ZNF704: variants seen among roughly 807,000 people sequenced by gnomAD.
ZNF704 encodes the protein glucocorticoid induced gene 1.
In ZNF704, 10 loss-of-function variants were observed where a neutral mutation model predicts 44.7. The ratio of observed to expected loss-of-function variants is 0.22; its 90% CI spans 0.14 to 0.38. The LOEUF is 0.38. Among genes scored for constraint, ZNF704 ranks in the 10% least tolerant of loss-of-function variants. The probability of loss-of-function intolerance (pLI) is 1.00; values close to 1 mark genes in which losing one functional copy is unlikely to be tolerated. For synonymous variants in ZNF704, 211 were observed against 207.6 expected, an observed-to-expected ratio of 1.02 and a Z score of -0.14; for missense variants, 390 against 545.5, an observed-to-expected ratio of 0.71 and a Z score of 2.84.
At chr8:80,698,781 T>C (rs898405257) in intron 2 of ZNF704, among the ~76,000 whole-genome samples, 6 of 152,170 alleles carry the variant, frequency 3.9e-5, no homozygotes, top group East Asian at 3.9e-4. Context: ...GTCTCATGCA[T>C]GGGTGGGTGT....
chr8:80,680,433 A>T (rs1278035736), intron 4 of ZNF704, among the ~76,000 whole-genome samples: 1 of 151,110 alleles, frequency 6.6e-6, no homozygotes. Context: ...AGGGGCTTAC[A>T]CATCCAAGCC....
At chr8:80,778,258 C>G in intron 2 of ZNF704, among the ~76,000 whole-genome samples, 1 of 152,094 alleles carries the variant, frequency 6.6e-6, no homozygotes, top group Non-Finnish European at 1.5e-5. Context: ...TAAAAAAAAG[C>G]TCAGTGTCAC....
chr8:80,713,391 C>T (rs562285194), intron 2 of ZNF704, among the ~76,000 whole-genome samples: 2 of 152,226 alleles, frequency 1.3e-5, no homozygotes, highest in South Asian at 4.2e-4. Context: ...AACTGCGGCT[C>T]GAATTATAGA....
chr8:80,721,782 A>G (rs1205592419), intron 2 of ZNF704, among the ~76,000 whole-genome samples: 1 of 152,248 alleles, frequency 6.6e-6, no homozygotes, highest in Non-Finnish European at 1.5e-5. Context: ...ACTGTAGTAC[A>G]CATGCTTGGT....
At chr8:80,667,353 G>A (rs1818210924) in intron 5 of ZNF704, among the ~76,000 whole-genome samples, 1 of 152,204 alleles carries the variant, frequency 6.6e-6, no homozygotes, top group Non-Finnish European at 1.5e-5. Flanking sequence ...ATAGAGGACA[G>A]GAAGACAAAA....
chr8:80,766,571 A>T (rs79984360), intron 2 of ZNF704, among the ~76,000 whole-genome samples: 1 of 152,180 alleles, frequency 6.6e-6, no homozygotes, highest in East Asian at 1.9e-4. Context: ...TATGTTACTG[A>T]TATTTTGAAA....
intron 4 of ZNF704, among the ~76,000 whole-genome samples, chr8:80,682,825 T>A (rs577388009): frequency 6.6e-6 from 1 of 152,322 alleles, no homozygotes; most frequent in Non-Finnish European, 1.5e-5. Flanking sequence ...CACATCAATA[T>A]GGTGCCACCA....
At chr8:80,803,757 C>T (rs929889946) in intron 2 of ZNF704, among the ~76,000 whole-genome samples, 1 of 152,088 alleles carries the variant, frequency 6.6e-6, no homozygotes, top group East Asian at 1.9e-4. Context: ...CAATAACATT[C>T]AGGACATAGG....
chr8:80,690,539 C>T (rs911668071), intron 3 of ZNF704, among the ~76,000 whole-genome samples: 2 of 152,108 alleles, frequency 1.3e-5, no homozygotes, highest in East Asian at 1.9e-4. Context: ...GGACTACAGG[C>T]GTGTTACCAT....
intron 4 of ZNF704, among the ~76,000 whole-genome samples, chr8:80,684,686 T>A (rs1443187958): frequency 6.6e-6 from 1 of 152,236 alleles, no homozygotes; most frequent in East Asian, 1.9e-4. Flanking sequence ...TACTGTGTTC[T>A]GTCACATCAC....
At chr8:80,664,688 A>G in intron 6 of ZNF704, 127 bp downstream of exon 6, 1 of 1,190,584 alleles carries the variant, frequency 8.4e-7, no homozygotes, top group Non-Finnish European at 1.2e-6. Context: ...AGGGAGAAAA[A>G]TCAAAGCTAC....
chr8:80,685,125 A>G (rs536033360), intron 4 of ZNF704, among the ~76,000 whole-genome samples: 43 of 150,276 alleles, frequency 2.9e-4, no homozygotes, highest in African/African-American at 1.1e-3. Flanking sequence ...GTGCTCATCC[A>G]ATAAAAATAA....
intron 2 of ZNF704, among the ~76,000 whole-genome samples, chr8:80,774,850 TA>T (rs1318065370): frequency 2.6e-5 from 4 of 152,226 alleles, no homozygotes; most frequent in Non-Finnish European, 4.4e-5. Context: ...GAGCTTTGTC[TA>T]TGCTGTTGAC....
intron 5 of ZNF704, among the ~76,000 whole-genome samples, chr8:80,666,576 C>T (rs1818198571): frequency 6.6e-6 from 1 of 151,042 alleles, no homozygotes; most frequent in South Asian, 2.1e-4. Context: ...TTTACAGTCC[C>T]ACCAACAGTG....
intron 2 of ZNF704, among the ~76,000 whole-genome samples, chr8:80,701,034 GC>G (rs1344817362): frequency 6.6e-6 from 1 of 151,940 alleles, no homozygotes; most frequent in African/African-American, 2.4e-5. Flanking sequence ...CTTCCCTCCC[GC>G]CAGGTCCACT....
intron 5 of ZNF704, 30 bp from the exon 6 acceptor site, chr8:80,665,112 C>T: frequency 6.2e-7 from 1 of 1,602,640 alleles, no homozygotes; most frequent in Non-Finnish European, 8.5e-7. Flanking sequence ...AACAATCATA[C>T]TAAGCCAATC....
intron 2 of ZNF704, among the ~76,000 whole-genome samples, chr8:80,726,871 T>A (rs1203883133): frequency 6.6e-6 from 1 of 151,604 alleles, no homozygotes; most frequent in Non-Finnish European, 1.5e-5. Flanking sequence ...ACACACAGTT[T>A]CCTATAATGG....
intron 2 of ZNF704, among the ~76,000 whole-genome samples, chr8:80,795,174 C>T (rs1349017622): frequency 6.6e-6 from 1 of 152,112 alleles, no homozygotes; most frequent in South Asian, 2.1e-4. Flanking sequence ...ACAAGAAGCA[C>T]CAGCACCTAA....
At chr8:80,813,258 A>C (rs927574786) in intron 2 of ZNF704, among the ~76,000 whole-genome samples, 2 of 152,230 alleles carry the variant, frequency 1.3e-5, no homozygotes, top group Admixed American at 1.3e-4. Context: ...TGATACTTGA[A>C]AATGCCCAAG....
Sources: gnomAD v4.1 joint callset for allele counts (sites outside exome capture counted in the v4.1 genomes callset) on GRCh38, gnomAD v4.1.1 for gene constraint, MANE v1.5 for transcripts, NCBI Gene and HGNC (gene_info 2026-07-23, HGNC 2026-07-21) for gene names.